The following STEAP2 variants were observed in gnomAD, a reference collection of about 807,000 sequenced individuals.
STEAP2 encodes metalloreductase STEAP2.
STEAP2 carries 30 observed loss-of-function variants against 46.4 expected under a neutral mutation model. The observed-to-expected ratio is 0.65, with a 90% CI of 0.48 to 0.88. STEAP2 has a LOEUF of 0.88. Ranked by LOEUF, STEAP2 falls within the 40% of genes least tolerant of loss-of-function variation. The probability of loss-of-function intolerance (pLI) is 0.00; values close to 1 mark genes in which losing one functional copy is unlikely to be tolerated. For synonymous variants in STEAP2, 180 were observed against 200.5 expected (o/e 0.90, Z 0.86); for missense variants, 513 against 579.3 (o/e 0.89, Z 1.18).
At position 90,225,357 on chromosome 7, in the gene STEAP2, CT is replaced by C. The variant is rs1562807427; in HGVS notation, c.276del (p.Ile93TyrfsTer12). 3.1e-6 allele frequency: 5 copies of C among 1,613,812 alleles called. No homozygotes were observed. The highest frequency in any genetic ancestry group is 4.2e-6 in the Non-Finnish European group (5 of 1,179,856). Reference sequence around the variant, plus strand: ...ACAAAAACAAATATAATATTTGTTGCTATACACAGAGAACATTATACCTCCC... The same window carrying C: ...ACAAAAACAAATATAATATTTGTTGCATACACAGAGAACATTATACCTCCC... ...ALTKTNIIFV[A>X]IHREHYTSLW... On this transcript the variant is annotated frameshift_variant, in exon 3 of 6. Coordinates refer to ENST00000394621, the MANE Select transcript of STEAP2 (RefSeq NM_001244944.2). LOFTEE classifies it high-confidence loss of function.
intron 2 of STEAP2, among the ~76,000 whole-genome samples, chr7:90,218,017 T>C (rs1364210190): frequency 1.3e-5 from 2 of 152,192 alleles, no homozygotes; most frequent in Non-Finnish European, 2.9e-5. Context: ...TCTCTGGTGA[T>C]TAGTGATGCT....
rs1213610045 is a variant in STEAP2 at position 90,234,173 on chromosome 7, A to C, written c.*1549A>C. ...TATTAGGGTAAGTGGCTAATTATAA[A>C]TCTACTCTAGAGACATATAATCATA... On this transcript the variant is annotated 3_prime_UTR_variant, in exon 6 of 6. Transcript: ENST00000394621. 4.1e-6 allele frequency: 4 copies of C among 985,244 alleles called. No individual in the cohort carries two copies. The highest frequency in any genetic ancestry group is 4.8e-6 in the Non-Finnish European group (4 of 829,904). The allele number at this position is 985,244 out of a possible 1,614,324, so 61.0% of individuals were successfully genotyped here.
downstream of STEAP2, among the ~76,000 whole-genome samples, chr7:90,238,416 C>T (rs900958330): frequency 6.6e-6 from 1 of 152,192 alleles, no homozygotes; most frequent in Non-Finnish European, 1.5e-5. Flanking sequence ...CTAAATCTGG[C>T]AACCCTACTT....
intron 2 of STEAP2, among the ~76,000 whole-genome samples, chr7:90,222,106 T>C (rs912439909): frequency 2.0e-5 from 3 of 152,172 alleles, no homozygotes; most frequent in Admixed American, 6.5e-5. Context: ...AACTTTCGAA[T>C]GAAGTGAGCA....
intron 2 of STEAP2, among the ~76,000 whole-genome samples, chr7:90,221,569 T>C (rs1221078119): frequency 6.6e-6 from 1 of 152,154 alleles, no homozygotes; most frequent in Non-Finnish European, 1.5e-5. Context: ...TATCTATTAC[T>C]AGTCCATATC....
In STEAP2 at chr7:90,232,594, T is replaced by C; in HGVS notation, c.1443T>C (p.His481=). The C allele has an allele frequency of 6.2e-7, 1 of 1,612,634 alleles. No individual in the cohort carries two copies. Among genetic ancestry groups the C allele is most frequent in the Non-Finnish European group, 8.5e-7 (1 of 1,179,126 alleles). ...LEEGMGGTIP[H]VSPERVTVM is the part of the protein sequence containing the mutation. ...AAGGTATGGGAGGAACAATTCCTCATGTCTCCCCGGAGAGGGTCACAGTAA... is the reference window on the plus strand; with the variant it reads ...AAGGTATGGGAGGAACAATTCCTCACGTCTCCCCGGAGAGGGTCACAGTAA... The change falls in exon 6 of 6, where the codon CAT becomes CAC. Residue 481 remains histidine, a synonymous_variant. Transcript: ENST00000394621.
chr7:90,223,601 C>T (rs1170921859), intron 2 of STEAP2, among the ~76,000 whole-genome samples: 1 of 152,220 alleles, frequency 6.6e-6, no homozygotes, highest in Non-Finnish European at 1.5e-5. Context: ...TCTGAACTCA[C>T]TCACTCTGGA....
At chr7:90,220,605 T>TAA (rs1795216885) in intron 2 of STEAP2, among the ~76,000 whole-genome samples, 3 of 152,172 alleles carry the variant, frequency 2.0e-5, no homozygotes, top group African/African-American at 7.2e-5. Context: ...TTTGTATTGT[T>TAA]TTTTAAGTCC....
downstream of STEAP2, among the ~76,000 whole-genome samples, chr7:90,238,907 G>A (rs1010726656): frequency 1.1e-4 from 17 of 152,184 alleles, no homozygotes; most frequent in Non-Finnish European, 1.9e-4. Flanking sequence ...GATTCACATT[G>A]ATCAAATGTA....
intron 5 of STEAP2, among the ~76,000 whole-genome samples, chr7:90,232,121 G>A (rs1795778168): frequency 6.6e-6 from 1 of 151,834 alleles, no homozygotes; most frequent in Non-Finnish European, 1.5e-5. Context: ...GGCCTTATTT[G>A]TGTAACATAA....
chr7:90,243,056 A>G (rs955559109), downstream of STEAP2, among the ~76,000 whole-genome samples: 4 of 152,206 alleles, frequency 2.6e-5, no homozygotes, highest in African/African-American at 4.8e-5. Context: ...GAATGACTAG[A>G]AGTGTGGAAA....
chr7:90,240,155 T>C (rs923020614), downstream of STEAP2, among the ~76,000 whole-genome samples: 5 of 151,968 alleles, frequency 3.3e-5, no homozygotes, highest in Non-Finnish European at 7.4e-5. This position sits in a 1 kb window ranked among gnomAD's most constrained non-coding sequence, Gnocchi z 4.1. Context: ...CACTTGTAGT[T>C]CCAGCTGCTC....
chr7:90,222,027 G>A (rs1209657131), intron 2 of STEAP2, among the ~76,000 whole-genome samples: 2 of 152,166 alleles, frequency 1.3e-5, no homozygotes, highest in Non-Finnish European at 1.5e-5. Flanking sequence ...TGGGATATAG[G>A]AAACTTGGAT....
In STEAP2 at chr7:90,233,291, T is replaced by G; in HGVS notation, c.*667T>G. The G allele has an allele frequency of 1.0e-6, 1 of 958,494 alleles. No individual in the cohort carries two copies. The highest frequency in any genetic ancestry group is 1.2e-6 in the Non-Finnish European group (1 of 805,572). 59.4% of individuals were successfully genotyped at this position (958,494 alleles called of 1,614,324 possible). A position where few individuals can be genotyped will look rare whatever the true frequency, so the allele number is the denominator to read the frequency against. On this transcript the variant is annotated 3_prime_UTR_variant, in exon 6 of 6. Coordinates refer to ENST00000394621, the MANE Select transcript of STEAP2 (RefSeq NM_001244944.2). ...GATAATACATACCTCATGAAAGATT[T>G]TATTCTTTATTGTGTTACAGAGCAG...
chr7:90,229,089 A>G (rs1400473338), intron 4 of STEAP2, among the ~76,000 whole-genome samples: 1 of 152,234 alleles, frequency 6.6e-6, no homozygotes, highest in Non-Finnish European at 1.5e-5. Flanking sequence ...GAAGGAGTCC[A>G]ATACTTGATT....
At chr7:90,218,182 A>G (rs1795108849) in intron 2 of STEAP2, among the ~76,000 whole-genome samples, 1 of 152,160 alleles carries the variant, frequency 6.6e-6, no homozygotes, top group East Asian at 1.9e-4. Flanking sequence ...TATCAGATTA[A>G]TAGTTTGCAA....
intron 5 of STEAP2, among the ~76,000 whole-genome samples, chr7:90,232,129 T>C (rs901578229): frequency 1.3e-5 from 2 of 151,920 alleles, no homozygotes; most frequent in African/African-American, 4.8e-5. Context: ...TTGTGTAACA[T>C]AAGGTGTGCA....
chr7:90,241,177 C>CACAT (rs1384356397), downstream of STEAP2, among the ~76,000 whole-genome samples: 8 of 151,944 alleles, frequency 5.3e-5, no homozygotes, highest in African/African-American at 1.7e-4. Flanking sequence ...AACATACACA[C>CACAT]ACACACACAC....
intron 3 of STEAP2, among the ~76,000 whole-genome samples, chr7:90,226,205 T>C (rs1475812134): frequency 1.3e-5 from 2 of 152,308 alleles, no homozygotes; most frequent in East Asian, 3.9e-4. Context: ...AATATGCCCA[T>C]ATTTATGCCA....
Sources: allele counts gnomAD v4.1 joint callset (sites outside exome capture counted in the v4.1 genomes callset), GRCh38; gene constraint gnomAD v4.1.1; non-coding constraint Gnocchi (gnomAD v3.1); transcripts MANE v1.5; gene names NCBI Gene and HGNC (gene_info 2026-07-23, HGNC 2026-07-21).